Variants in ALPL observed in about 807,000 individuals in gnomAD.
The protein encoded by ALPL is alkaline phosphatase, tissue-nonspecific isozyme.
A neutral mutation model predicts 51.3 loss-of-function variants in ALPL; 42 were observed. The ratio of observed to expected loss-of-function variants is 0.82; its 90% CI spans 0.64 to 1.06. The LOEUF (loss-of-function observed/expected upper bound fraction) is 1.06, where lower values mean the gene tolerates loss of function less well. Among genes scored for constraint, ALPL ranks in the 50% least tolerant of loss-of-function variants. The pLI, the probability that ALPL is intolerant of heterozygous loss-of-function variation, is 0.00. For missense variants in ALPL, 589 were observed against 709.4 expected, an observed-to-expected ratio of 0.83 and a Z score of 1.93; for synonymous variants, 279 against 296.4, an observed-to-expected ratio of 0.94 and a Z score of 0.60.
intron 1 of ALPL, among the ~76,000 whole-genome samples, chr1:21,543,799 A>G (rs1029061721): frequency 6.6e-6 from 1 of 152,130 alleles, no homozygotes; most frequent in Non-Finnish European, 1.5e-5. Flanking sequence ...GGGCTCCCTA[A>G]GGGCAAATAC....
At position 21,568,136 on chromosome 1, in the gene ALPL, C is replaced by A; in HGVS notation, c.681C>A (p.Tyr227Ter). The change falls in exon 7 of 12, where the codon TAC becomes TAA. Residue 227 changes from tyrosine to a stop codon, truncating the protein, a stop_gained. Coordinates refer to ENST00000374840, the MANE Select transcript of ALPL (RefSeq NM_000478.6). LOFTEE classifies it high-confidence loss of function. ...VIMGGGRKYMYPKNKTDVEYE... is the reference protein window; with the variant it reads ...VIMGGGRKYM ...TGGGGGGTGGCCGGAAATACATGTA[C>A]CCCAAGAATAAAACTGATGTGGAGT... The A allele has an allele frequency of 1.9e-6, 3 of 1,614,000 alleles. No individual in the cohort carries two copies. Among genetic ancestry groups the A allele is most frequent in the Non-Finnish European group, 2.5e-6 (3 of 1,180,018 alleles).
At chr1:21,562,416 G>T (rs1644497086) in intron 4 of ALPL, among the ~76,000 whole-genome samples, 1 of 152,168 alleles carries the variant, frequency 6.6e-6, no homozygotes, top group Admixed American at 6.5e-5. Flanking sequence ...CTGCCGGGTA[G>T]CTATTGCTAT....
Position 21,576,749 on chromosome 1 carries a change from G to A in ALPL, c.1309+108G>A, listed in dbSNP as rs1644743248. 4.7e-6 allele frequency: 7 copies of A among 1,473,984 alleles called. No individual in the cohort carries two copies. The South Asian group carries it at 6.0e-5, about 13-fold the overall frequency. The allele number at this position is 1,473,984 out of a possible 1,614,324, so 91.3% of individuals were successfully genotyped here. On this transcript the variant is annotated intron_variant, in intron 11 of 11. Transcript: ENST00000374840. ...CAAGGTCAGGGGTCTCAGAATGACTGGGGCTTGAGTCCCAGTTTGATTGTT... is the reference window on the plus strand; with the variant it reads ...CAAGGTCAGGGGTCTCAGAATGACTAGGGCTTGAGTCCCAGTTTGATTGTT...
In ALPL at chr1:21,561,221, C is replaced by A. The variant is rs773328385; in HGVS notation, c.297+9C>A. The A allele has an allele frequency of 2.5e-5, 40 of 1,595,186 alleles. No individual in the cohort carries two copies. The highest frequency in any genetic ancestry group is 3.1e-5 in the Non-Finnish European group (36 of 1,169,600). On this transcript the variant is annotated intron_variant, in intron 4 of 11. Transcript: ENST00000374840. ...TCGTGGCCCTCTCCAAGGTGAGCCC[C>A]ATCCCCAAGCCCAGTTCAGGTCTGT...
chr1:21,569,359 G>A (rs999813129), intron 7 of ALPL, among the ~76,000 whole-genome samples: 1 of 152,164 alleles, frequency 6.6e-6, no homozygotes, highest in African/African-American at 2.4e-5. Flanking sequence ...CCATGGCCCC[G>A]AGCCTGGCCA....
chr1:21,570,472 C>T (rs1395879409), intron 8 of ALPL, 98 bp downstream of exon 8: 3 of 1,270,242 alleles, frequency 2.4e-6, no homozygotes, highest in Non-Finnish European at 3.4e-6. Context: ...AGCCTGACGC[C>T]CACTTAGGGG....
At chr1:21,554,833 C>CTTTCTTTCTTTCTCTCTTTCTTTCTT (rs1644385774) in intron 2 of ALPL, among the ~76,000 whole-genome samples, 8 of 132,450 alleles carry the variant, frequency 6.0e-5, no homozygotes, top group African/African-American at 1.9e-4. Context: ...TTCTTTCTTT[C>CTTTCTTTCTTTCTCTCTTTCTTTCTT]TTTCTTTCTT....
At chr1:21,526,660 G>T (rs1475550017) in intron 1 of ALPL, among the ~76,000 whole-genome samples, 1 of 152,148 alleles carries the variant, frequency 6.6e-6, no homozygotes, top group Non-Finnish European at 1.5e-5. Context: ...TGTGGTCTAT[G>T]TGAAAACTTA....
rs1644687066 is a variant in ALPL, at chr1:21,573,778, G to C, written c.976G>C (p.Gly326Arg). 3.7e-6 allele frequency: 6 copies of C among 1,614,204 alleles called. No individual in the cohort carries two copies. The highest frequency in any genetic ancestry group is 5.1e-6 in the Non-Finnish European group (6 of 1,180,036). Residue 326 changes from glycine (G) to arginine (R), a missense_variant, in exon 9 of 12, where the codon GGC (glycine) becomes CGC (arginine). Coordinates refer to ENST00000374840, the MANE Select transcript of ALPL (RefSeq NM_000478.6). ...AIQILRKNPK[G>R]FFLLVEGGRI... ...CCAGATCCTGCGGAAGAACCCCAAA[G>C]GCTTCTTCTTGCTGGTGGAAGGTAG... is the stretch of plus-strand genomic sequence containing the variant.
intron 1 of ALPL, among the ~76,000 whole-genome samples, chr1:21,517,285 C>G (rs1643818761): frequency 6.6e-6 from 1 of 152,180 alleles, no homozygotes; most frequent in Non-Finnish European, 1.5e-5. Context: ...TTGTATTGAG[C>G]TCATAATTCT....
At position 21,577,981 on chromosome 1, in the gene ALPL, C is replaced by G. The variant is rs1644766304; in HGVS notation, c.*333C>G. ...ACGTATTTCTCCAGACCCAGAGGCC[C>G]TGAAGCCTCCGTGGAACATTCTGGA... On this transcript the variant is annotated 3_prime_UTR_variant, in exon 12 of 12. Coordinates refer to ENST00000374840, the MANE Select transcript of ALPL (RefSeq NM_000478.6). 2 of 431,308 alleles carry G rather than the reference C, an allele frequency of 4.6e-6. No individual in the cohort carries two copies. Among genetic ancestry groups the G allele is most frequent in the Non-Finnish European group, 8.5e-6 (2 of 236,326 alleles). 26.7% of individuals were successfully genotyped at this position (431,308 alleles called of 1,614,324 possible). A position where few individuals can be genotyped will look rare whatever the true frequency, so the allele number is the denominator to read the frequency against.
At chr1:21,566,329 G>A (rs963001333) in intron 6 of ALPL, among the ~76,000 whole-genome samples, 2 of 152,186 alleles carry the variant, frequency 1.3e-5, no homozygotes, top group African/African-American at 4.8e-5. Context: ...TGTCTCTAAG[G>A]CTGGAGTGTA....
chr1:21,563,753 A>C (rs993644842), intron 5 of ALPL, among the ~76,000 whole-genome samples: 1 of 151,718 alleles, frequency 6.6e-6, no homozygotes, highest in Non-Finnish European at 1.5e-5. Context: ...GAGATCCCTC[A>C]GGGGTCCTGT....
In ALPL at chr1:21,575,694, C is replaced by G. The variant is rs537018840; in HGVS notation, c.998-39C>G. 5 of 1,611,796 alleles carry G rather than the reference C, an allele frequency of 3.1e-6. No homozygotes were observed. In the South Asian group the frequency reaches 4.4e-5, roughly 14 times the overall value. Reference sequence around the variant, plus strand: ...GGGGCTGGGGAGCAGATCTTCCTCCCCTCCTCCCTCACCGAGGCCTTTGCC... The same window carrying G: ...GGGGCTGGGGAGCAGATCTTCCTCCGCTCCTCCCTCACCGAGGCCTTTGCC... On this transcript the variant is annotated intron_variant, in intron 9 of 11. Coordinates refer to ENST00000374840, the MANE Select transcript of ALPL (RefSeq NM_000478.6).
rs1446472691 is a variant in ALPL, at chr1:21,573,818, C to A, written c.997+19C>A. On this transcript the variant is annotated intron_variant, in intron 9 of 11. Coordinates refer to ENST00000374840, the MANE Select transcript of ALPL (RefSeq NM_000478.6). Reference sequence around the variant, plus strand: ...GTGGAAGGTAGGGACCCCGGGTCTGCTGAGAGGGGGCTGCTGGAAACACGG... The same window carrying A: ...GTGGAAGGTAGGGACCCCGGGTCTGATGAGAGGGGGCTGCTGGAAACACGG... The A allele has an allele frequency of 1.5e-5, 24 of 1,613,916 alleles. No homozygotes were observed. Among genetic ancestry groups the A allele is most frequent in the Non-Finnish European group, 1.9e-5 (23 of 1,180,000 alleles).
chr1:21,577,476 C>G lies in ALPL; in HGVS notation c.1403C>G (p.Ala468Gly). The change falls in exon 12 of 12, where the codon GCG (alanine) becomes GGG (glycine). Residue 468 changes from alanine (A) to glycine (G), a missense_variant. By Grantham distance (60) the Ala-to-Gly change is moderately conservative. Coordinates refer to ENST00000374840, the MANE Select transcript of ALPL (RefSeq NM_000478.6). Reference protein sequence around the residue: ...DVAVFSKGPMAHLLHGVHEQN... With the variant: ...DVAVFSKGPMGHLLHGVHEQN... ...GCCGTCTTCTCCAAGGGCCCCATGG[C>G]GCACCTGCTGCACGGCGTCCACGAG... 1 of 1,610,452 alleles carries G rather than the reference C, an allele frequency of 6.2e-7. No homozygotes were observed. The highest frequency in any genetic ancestry group is 1.1e-5 in the South Asian group (1 of 91,088).
chr1:21,568,193 G>A lies in ALPL; in HGVS notation c.738G>A (p.Arg246=). ...YESDEKARGT[R]LDGLDLVDTW... ...GTGACGAGAAAGCCAGGGGCACGAGGCTGGACGGCCTGGACCTCGTTGACA... is the reference window on the plus strand; with the variant it reads ...GTGACGAGAAAGCCAGGGGCACGAGACTGGACGGCCTGGACCTCGTTGACA... The change falls in exon 7 of 12, where the codon AGG becomes AGA. Residue 246 remains arginine, a synonymous_variant. Transcript: ENST00000374840. 6.2e-7 allele frequency: 1 copy of A among 1,614,108 alleles called. No homozygotes were observed. Among genetic ancestry groups the A allele is most frequent in the Non-Finnish European group, 8.5e-7 (1 of 1,180,030 alleles).
At chr1:21,571,906 C>T (rs1207742476) in intron 8 of ALPL, among the ~76,000 whole-genome samples, 1 of 150,930 alleles carries the variant, frequency 6.6e-6, no homozygotes, top group African/African-American at 2.4e-5. Context: ...GTAGGAGGAT[C>T]CACCTGAGCC....
At chr1:21,518,329 C>T (rs7536545) in intron 1 of ALPL, among the ~76,000 whole-genome samples, 50,717 of 151,870 alleles carry the variant, frequency 0.33, 9,025 homozygotes, top group East Asian at 0.48. Flanking sequence ...CCACTTGTTA[C>T]GCACCAAGCC....
Sources: gnomAD v4.1 joint callset for allele counts (sites outside exome capture counted in the v4.1 genomes callset) on GRCh38, gnomAD v4.1.1 for gene constraint, MANE v1.5 for transcripts, NCBI Gene and HGNC (gene_info 2026-07-23, HGNC 2026-07-21) for gene names.